The following PPARGC1A variants were observed in gnomAD, a reference collection of about 807,000 sequenced individuals.
PPARGC1A encodes peroxisome proliferator-activated receptor gamma coactivator 1-alpha.
PPARGC1A carries 25 observed loss-of-function variants against 88.7 expected under a neutral mutation model. The ratio of observed to expected loss-of-function variants is 0.28; its 90% CI spans 0.21 to 0.39. The LOEUF is 0.39. Ranked by LOEUF, PPARGC1A falls within the 10% of genes least tolerant of loss-of-function variation. PPARGC1A has a pLI of 1.00. For missense variants in PPARGC1A, 880 were observed against 968.7 expected (o/e 0.91, Z 1.22); for synonymous variants, 363 against 355.6 (o/e 1.02, Z -0.24).
chr4:23,894,375 G>T (rs1029396980), upstream of PPARGC1A, among the ~76,000 whole-genome samples: 1 of 151,906 alleles, frequency 6.6e-6, no homozygotes, highest in Non-Finnish European at 1.5e-5. Context: ...AGCAGAGACT[G>T]CATAGAACAC....
At chr4:23,969,539 T>C in the PPARGC1A span, among the ~76,000 whole-genome samples, 1 of 152,216 alleles carries the variant, frequency 6.6e-6, no homozygotes, top group African/African-American at 2.4e-5. Flanking sequence ...AACATGAACG[T>C]TCTCAGTGAG....
the PPARGC1A span, among the ~76,000 whole-genome samples, chr4:24,299,815 A>G: frequency 1.3e-5 from 2 of 152,302 alleles, no homozygotes; most frequent in East Asian, 3.9e-4. Flanking sequence ...AAATATGAAT[A>G]ATGTTACCAG....
the PPARGC1A span, among the ~76,000 whole-genome samples, chr4:24,310,090 A>T: frequency 6.6e-6 from 1 of 152,198 alleles, no homozygotes; most frequent in Non-Finnish European, 1.5e-5. Flanking sequence ...GAGAAATTTT[A>T]AAATGCATTT....
the PPARGC1A span, among the ~76,000 whole-genome samples, chr4:24,275,361 T>G: frequency 6.6e-6 from 1 of 152,228 alleles, no homozygotes; most frequent in Non-Finnish European, 1.5e-5. Context: ...ACTGAAAACC[T>G]AAATAACATT....
chr4:24,194,135 A>AG, the PPARGC1A span, among the ~76,000 whole-genome samples: 1 of 151,738 alleles, frequency 6.6e-6, no homozygotes, highest in Non-Finnish European at 1.5e-5. Context: ...ATCTCAAAAA[A>AG]AAAAAAAAAA....
chr4:24,317,088 C>T, the PPARGC1A span, among the ~76,000 whole-genome samples: 1 of 152,120 alleles, frequency 6.6e-6, no homozygotes, highest in Non-Finnish European at 1.5e-5. Flanking sequence ...TTATTATCCC[C>T]ATTATACAGA....
At chr4:23,996,323 A>G in the PPARGC1A span, among the ~76,000 whole-genome samples, 1 of 152,192 alleles carries the variant, frequency 6.6e-6, no homozygotes, top group Non-Finnish European at 1.5e-5. Context: ...GATGCTGGGG[A>G]AAATGAAGAT....
At chr4:24,014,137 A>T in the PPARGC1A span, among the ~76,000 whole-genome samples, 1 of 152,330 alleles carries the variant, frequency 6.6e-6, no homozygotes. Context: ...TACTTTTGTC[A>T]TGAAAAGAGA....
At chr4:24,444,856 C>T in the PPARGC1A span, among the ~76,000 whole-genome samples, 10 of 152,080 alleles carry the variant, frequency 6.6e-5, no homozygotes, top group East Asian at 3.9e-4. Flanking sequence ...GGGTTTGAGA[C>T]CAGCCTGAGC....
At chr4:24,039,102 G>T in the PPARGC1A span, among the ~76,000 whole-genome samples, 1 of 152,052 alleles carries the variant, frequency 6.6e-6, no homozygotes, top group African/African-American at 2.4e-5. Context: ...AATACATTCT[G>T]CCATCCCAAA....
the PPARGC1A span, among the ~76,000 whole-genome samples, chr4:24,366,362 A>T: frequency 1.3e-5 from 2 of 152,190 alleles, no homozygotes; most frequent in Non-Finnish European, 2.9e-5. Flanking sequence ...TGTTCAATTT[A>T]TGTGGGAGCT....
the PPARGC1A span, among the ~76,000 whole-genome samples, chr4:24,287,345 C>T: frequency 5.9e-5 from 9 of 152,242 alleles, no homozygotes; most frequent in East Asian, 3.9e-4. Context: ...GATGGTTGAG[C>T]GCCCTCTTAG....
chr4:24,385,936 C>CA, the PPARGC1A span, among the ~76,000 whole-genome samples: 1 of 151,936 alleles, frequency 6.6e-6, no homozygotes, highest in Admixed American at 6.6e-5. Context: ...AGAGACACAA[C>CA]AAAAAAAGAA....
intron 7 of PPARGC1A, among the ~76,000 whole-genome samples, chr4:23,819,878 A>G (rs1299962395): frequency 6.6e-6 from 1 of 152,124 alleles, no homozygotes; most frequent in Non-Finnish European, 1.5e-5. Flanking sequence ...CTCTGATGCT[A>G]TGCTTTTCCT....
At chr4:24,337,298 A>C in the PPARGC1A span, among the ~76,000 whole-genome samples, 40 of 152,324 alleles carry the variant, frequency 2.6e-4, no homozygotes, top group African/African-American at 9.4e-4. Flanking sequence ...TTTTTGCAAG[A>C]CAAGCCAAAT....
At chr4:24,120,495 T>G in the PPARGC1A span, among the ~76,000 whole-genome samples, 1 of 152,216 alleles carries the variant, frequency 6.6e-6, no homozygotes, top group African/African-American at 2.4e-5. Flanking sequence ...AGATAAACAT[T>G]GTTCCCATTT....
At chr4:24,353,822 G>A in the PPARGC1A span, among the ~76,000 whole-genome samples, 2 of 152,158 alleles carry the variant, frequency 1.3e-5, no homozygotes, top group Non-Finnish European at 2.9e-5. Flanking sequence ...ATTTTGATAG[G>A]AAACGACTGA....
chr4:24,130,494 C>A, the PPARGC1A span, among the ~76,000 whole-genome samples: 1 of 152,288 alleles, frequency 6.6e-6, no homozygotes, highest in African/African-American at 2.4e-5. Flanking sequence ...GTCTATCCAC[C>A]TGTGCACAAC....
chr4:24,461,483 G>C, the PPARGC1A span, among the ~76,000 whole-genome samples: 20 of 152,128 alleles, frequency 1.3e-4, no homozygotes, highest in Admixed American at 1.3e-3. Context: ...AAGAAAGAGG[G>C]AGAGACAGAG....
Sources: gnomAD v4.1 joint callset for allele counts (sites outside exome capture counted in the v4.1 genomes callset) on GRCh38, gnomAD v4.1.1 for gene constraint, MANE v1.5 for transcripts, NCBI Gene and HGNC (gene_info 2026-07-23, HGNC 2026-07-21) for gene names.